The following ZNF362 variants were observed in gnomAD, a reference collection of about 807,000 sequenced individuals.
The protein encoded by ZNF362 is zinc finger protein 362.
Under a neutral mutation model 42.9 loss-of-function variants are expected in ZNF362, and 11 were observed. The ratio of observed to expected loss-of-function variants is 0.26; its 90% confidence interval spans 0.16 to 0.42. The LOEUF (loss-of-function observed/expected upper bound fraction) is 0.42. Among genes scored for constraint, ZNF362 ranks in the 20% least tolerant of loss-of-function variants. The probability of loss-of-function intolerance (pLI) is 1.00; values close to 1 mark genes in which losing one functional copy is unlikely to be tolerated. For synonymous variants in ZNF362, 255 were observed against 257.3 expected, an observed-to-expected ratio of 0.99 and a Z score of 0.09; for missense variants, 362 against 576.2, an observed-to-expected ratio of 0.63 and a Z score of 3.81.
chr1:33,220,844 C>A, the ZNF362 span, among the ~76,000 whole-genome samples: 5 of 152,250 alleles, frequency 3.3e-5, no homozygotes, highest in Admixed American at 1.3e-4. Context: ...CGTTAGGTCA[C>A]CCTATAGCCA....
the ZNF362 span, among the ~76,000 whole-genome samples, chr1:33,227,995 A>G: frequency 6.6e-6 from 1 of 152,198 alleles, no homozygotes; most frequent in Non-Finnish European, 1.5e-5. Flanking sequence ...GGAATTGTGA[A>G]AAGGGCTCAG....
At chr1:33,273,850 A>G (rs1570392534) in intron 2 of ZNF362, among the ~76,000 whole-genome samples, 1 of 152,178 alleles carries the variant, frequency 6.6e-6, no homozygotes, top group Non-Finnish European at 1.5e-5. Context: ...AGATAATTGT[A>G]TGGGATTGTC....
chr1:33,215,257 C>G, the ZNF362 span, among the ~76,000 whole-genome samples: 1 of 152,062 alleles, frequency 6.6e-6, no homozygotes, highest in Non-Finnish European at 1.5e-5. Flanking sequence ...AGACAAATTT[C>G]TCATGTTCTC....
At chr1:33,171,581 G>A in the ZNF362 span, among the ~76,000 whole-genome samples, 11 of 152,138 alleles carry the variant, frequency 7.2e-5, no homozygotes, top group African/African-American at 2.2e-4. Flanking sequence ...TGTGCTGGCC[G>A]CTCCAGGGGT....
At position 33,260,873 on chromosome 1, in the gene ZNF362, T is replaced by G. The variant is rs546053891; in HGVS notation, c.-89+4219T>G. On this transcript the variant is annotated intron_variant, in intron 1 of 8. Coordinates refer to ENST00000539719, the MANE Select transcript of ZNF362 (RefSeq NM_152493.3). The stretch of plus-strand genomic sequence containing the variant: ...CCCAGTCTCTTCCAGTCTCAGAGCT[T>G]TAGCATCTGAGAAGCTTTCCAGCTC... Among the ~76,000 whole-genome samples the G allele has an allele frequency of 4.5e-4, 69 of 152,282 alleles. 1 individual carries two copies. In the South Asian group the frequency reaches 0.013, roughly 29 times the overall value.
At chr1:33,254,893 T>C (rs545509221), upstream of ZNF362, among the ~76,000 whole-genome samples, 7 of 152,338 alleles carry the variant, frequency 4.6e-5, no homozygotes, top group African/African-American at 1.7e-4. Context: ...TATTATCTCA[T>C]TGAATTTCTC....
At chr1:33,235,145 A>T in the ZNF362 span, among the ~76,000 whole-genome samples, 1 of 151,600 alleles carries the variant, frequency 6.6e-6, no homozygotes, top group African/African-American at 2.4e-5. Flanking sequence ...TCCTCACTTT[A>T]CTCTTCTGGA....
chr1:33,293,318 A>C (rs1023065406), intron 6 of ZNF362, among the ~76,000 whole-genome samples: 1 of 152,228 alleles, frequency 6.6e-6, no homozygotes, highest in Non-Finnish European at 1.5e-5. Flanking sequence ...TTATCTGACC[A>C]GGACGTAGGG....
At chr1:33,156,929 T>G in the ZNF362 span, among the ~76,000 whole-genome samples, 15 of 63,484 alleles carry the variant, frequency 2.4e-4, no homozygotes, top group African/African-American at 8.6e-4. Flanking sequence ...ATCCCACCCC[T>G]TCCCACCCCC....
At chr1:33,181,206 C>T in the ZNF362 span, 5 of 1,583,372 alleles carry the variant, frequency 3.2e-6, no homozygotes, top group Non-Finnish European at 4.3e-6. The surrounding 1 kb of genome is among the most constrained non-coding windows in gnomAD (Gnocchi z 6.5). Flanking sequence ...CGGGAAGGAG[C>T]TGTAGCGCTC....
chr1:33,293,103 G>C (rs770189379), intron 6 of ZNF362, among the ~76,000 whole-genome samples: 3 of 152,208 alleles, frequency 2.0e-5, no homozygotes, highest in African/African-American at 7.2e-5. Context: ...CAGTGGGGTT[G>C]GCTCTGTGGT....
chr1:33,222,272 A>G, the ZNF362 span, among the ~76,000 whole-genome samples: 1 of 152,116 alleles, frequency 6.6e-6, no homozygotes, highest in African/African-American at 2.4e-5. Flanking sequence ...CAATTGCTCA[A>G]GTCCTTTTGG....
At chr1:33,156,022 G>A in the ZNF362 span, among the ~76,000 whole-genome samples, 2 of 152,298 alleles carry the variant, frequency 1.3e-5, no homozygotes, top group Admixed American at 1.3e-4. Flanking sequence ...TGCCCCACTG[G>A]CTTTGGTGCC....
the ZNF362 span, among the ~76,000 whole-genome samples, chr1:33,206,407 T>A: frequency 1.3e-5 from 2 of 152,036 alleles, no homozygotes; most frequent in Non-Finnish European, 2.9e-5. Context: ...ATAAACTGGA[T>A]TTCATCGAAG....
At chr1:33,255,951 C>T (rs1024169436), upstream of ZNF362, among the ~76,000 whole-genome samples, 1 of 151,800 alleles carries the variant, frequency 6.6e-6, no homozygotes, top group Non-Finnish European at 1.5e-5. Context: ...CTGCCATCAC[C>T]CAGGAGTGGG....
chr1:33,252,224 G>A (rs182882973), upstream of ZNF362, among the ~76,000 whole-genome samples: 2 of 152,252 alleles, frequency 1.3e-5, no homozygotes, highest in Admixed American at 1.3e-4. Flanking sequence ...GGTGGCATGT[G>A]CCTGTAATTC....
At chr1:33,141,678 G>A in the ZNF362 span, among the ~76,000 whole-genome samples, 2 of 152,120 alleles carry the variant, frequency 1.3e-5, no homozygotes, top group Non-Finnish European at 1.5e-5. Flanking sequence ...AATTTCAAGG[G>A]AGGGGGGAGC....
chr1:33,210,968 CTG>C, the ZNF362 span, among the ~76,000 whole-genome samples: 1 of 149,744 alleles, frequency 6.7e-6, no homozygotes, highest in South Asian at 2.1e-4. Flanking sequence ...GAGACTCACT[CTG>C]TCACCCAGGC....
At chr1:33,264,916 G>A (rs1284492639) in intron 1 of ZNF362, among the ~76,000 whole-genome samples, 1 of 152,042 alleles carries the variant, frequency 6.6e-6, no homozygotes, top group Non-Finnish European at 1.5e-5. Flanking sequence ...TGCTTTGTAA[G>A]TGATTAAGCT....
Sources: gnomAD v4.1 joint callset for allele counts (sites outside exome capture counted in the v4.1 genomes callset) on GRCh38, gnomAD v4.1.1 for gene constraint, Gnocchi (gnomAD v3.1) non-coding constraint, MANE v1.5 for transcripts, NCBI Gene and HGNC (gene_info 2026-07-23, HGNC 2026-07-21) for gene names.